GABRA4: variants seen among roughly 807,000 people sequenced by gnomAD.
GABRA4 encodes gamma-aminobutyric acid receptor subunit alpha-4.
Under a neutral mutation model 49.7 loss-of-function variants are expected in GABRA4, and 12 were observed. The observed-to-expected ratio is 0.24, with a 90% confidence interval of 0.15 to 0.39. GABRA4 has a LOEUF of 0.39. GABRA4 is among the 10% of genes least tolerant of loss of function. The pLI is 1.00. For missense variants in GABRA4, 506 were observed against 686.0 expected, an observed-to-expected ratio of 0.74 and a Z score of 2.93; for synonymous variants, 288 against 240.2, an observed-to-expected ratio of 1.20 and a Z score of -1.84.
At chr4:46,988,195 T>C (rs1723609954) in intron 2 of GABRA4, among the ~76,000 whole-genome samples, 1 of 149,288 alleles carries the variant, frequency 6.7e-6, no homozygotes, top group Admixed American at 6.6e-5. Context: ...CCCTCACCCA[T>C]TTTTTTTCCC....
chr4:46,954,927 C>T (rs562690804), intron 8 of GABRA4, among the ~76,000 whole-genome samples: 1 of 152,038 alleles, frequency 6.6e-6, no homozygotes, highest in Non-Finnish European at 1.5e-5. Flanking sequence ...TCAGTTTGCT[C>T]AACCATAAAA....
chr4:46,967,856 T>G (rs1722817317), intron 7 of GABRA4, among the ~76,000 whole-genome samples: 1 of 151,646 alleles, frequency 6.6e-6, no homozygotes, highest in Non-Finnish European at 1.5e-5. Context: ...AGAGTGAATT[T>G]TTGGCTGGCC....
At chr4:46,970,626 T>C (rs1722918236) in intron 7 of GABRA4, among the ~76,000 whole-genome samples, 1 of 151,580 alleles carries the variant, frequency 6.6e-6, no homozygotes, top group Admixed American at 6.6e-5. Context: ...TCCAATTCAA[T>C]GCATTTAAAC....
chr4:46,957,118 T>C (rs1722393177), intron 8 of GABRA4, among the ~76,000 whole-genome samples: 1 of 152,004 alleles, frequency 6.6e-6, no homozygotes, highest in African/African-American at 2.4e-5. Context: ...CTTTATGGAA[T>C]GACATAACTT....
In GABRA4 at chr4:46,956,828, G is replaced by T. The variant is rs998029887; in HGVS notation, c.1134+8142C>A. Among the ~76,000 whole-genome samples the T allele has an allele frequency of 5.3e-5, 8 of 152,054 alleles. 2 individuals are homozygous for T. The highest frequency in any genetic ancestry group is 1.3e-4 in the Admixed American group (2 of 15,260). ...TTCCTATTGTCAGATTCCTATAGTT[G>T]GTTCATAACCAACCAATAAACAACT... On this transcript the variant is annotated intron_variant, in intron 8 of 8. Coordinates refer to ENST00000264318, the MANE Select transcript of GABRA4 (RefSeq NM_000809.4).
At chr4:46,963,382 G>T (rs1286903459) in intron 8 of GABRA4, among the ~76,000 whole-genome samples, 2 of 151,854 alleles carry the variant, frequency 1.3e-5, no homozygotes, top group South Asian at 2.1e-4. Flanking sequence ...GGACCCAGGG[G>T]GAAGTAATTG....
Position 46,972,765 on chromosome 4 carries a change from CG to C in GABRA4, c.721+1466del, listed in dbSNP as rs1047561931. Among the ~76,000 whole-genome samples, 7 of 151,570 alleles carry C rather than the reference CG, an allele frequency of 4.6e-5. No homozygotes were observed. The Admixed American group carries it at 4.6e-4, about 10-fold the overall frequency. On this transcript the variant is annotated intron_variant, in intron 6 of 8. Transcript: ENST00000264318. ...CTAATACCTCGCTGTTTCCTCCTCC[CG>C]GAGGCCCCTGACTACCACCATTCCT...
chr4:46,938,769 G>C (rs1462945817), intron 8 of GABRA4, among the ~76,000 whole-genome samples: 1 of 151,952 alleles, frequency 6.6e-6, no homozygotes, highest in African/African-American at 2.4e-5. Context: ...GTGGGTACTA[G>C]AAGATCCACA....
chr4:46,977,679 A>G, intron 3 of GABRA4, 49 bp from the exon 4 acceptor site: 1 of 1,260,382 alleles, frequency 7.9e-7, no homozygotes, highest in South Asian at 1.4e-5. Flanking sequence ...GACTACACAT[A>G]AGTATGTGAA....
intron 3 of GABRA4, among the ~76,000 whole-genome samples, chr4:46,978,778 A>G (rs887632995): frequency 6.6e-6 from 1 of 151,668 alleles, no homozygotes; most frequent in African/African-American, 2.4e-5. Context: ...AGGTTGTGCT[A>G]TAGGAACCAG....
At chr4:46,980,692 C>T (rs971209077) in intron 2 of GABRA4, among the ~76,000 whole-genome samples, 1 of 151,950 alleles carries the variant, frequency 6.6e-6, no homozygotes, top group East Asian at 1.9e-4. Context: ...TTGGAGACAA[C>T]AACAGCAAAA....
intron 8 of GABRA4, among the ~76,000 whole-genome samples, chr4:46,930,746 A>C (rs902195274): frequency 6.6e-6 from 1 of 151,844 alleles, no homozygotes; most frequent in African/African-American, 2.4e-5. Context: ...AATTCTAAGG[A>C]CTGGAGACTT....
At chr4:46,955,833 C>T (rs944703125) in intron 8 of GABRA4, among the ~76,000 whole-genome samples, 3 of 152,072 alleles carry the variant, frequency 2.0e-5, no homozygotes, top group African/African-American at 7.2e-5. Flanking sequence ...TCAGACCATA[C>T]TTTTATATAG....
At chr4:46,975,040 C>T (rs1723090779) in intron 5 of GABRA4, among the ~76,000 whole-genome samples, 1 of 151,918 alleles carries the variant, frequency 6.6e-6, no homozygotes, top group African/African-American at 2.4e-5. Context: ...TTCAACAAAT[C>T]TCTCCCGGTG....
At chr4:46,977,253 A>G in intron 4 of GABRA4, 110 bp from the exon 5 acceptor site, 1 of 595,850 alleles carries the variant, frequency 1.7e-6, no homozygotes, top group Admixed American at 3.6e-5. Context: ...GAAGGGAGGG[A>G]AGAAAAGGAA....
chr4:46,976,740 T>C (rs1723152438), intron 5 of GABRA4, among the ~76,000 whole-genome samples: 1 of 151,670 alleles, frequency 6.6e-6, no homozygotes, highest in East Asian at 1.9e-4. Context: ...TATTTATCTA[T>C]ATAATTTGTA....
chr4:46,964,929 GA>G (rs1560475090), intron 8 of GABRA4, 40 bp downstream of exon 8: 1 of 1,498,532 alleles, frequency 6.7e-7, no homozygotes, highest in Admixed American at 2.3e-5. Context: ...ATTTGACCAA[GA>G]AGCTAAAATC....
chr4:46,962,048 C>T (rs1024075775), intron 8 of GABRA4, among the ~76,000 whole-genome samples: 5 of 151,894 alleles, frequency 3.3e-5, no homozygotes, highest in Non-Finnish European at 7.4e-5. Flanking sequence ...TGTCTTAGAT[C>T]TATCCCTTCA....
In GABRA4 at chr4:46,951,542, T is replaced by C. The variant is rs189066641; in HGVS notation, c.1134+13428A>G. ...GTAATTAAAGAGTTGACTTTCTGCT[T>C]TTTGAATACAGAGTCCTTGCCACTC... On this transcript the variant is annotated intron_variant, in intron 8 of 8. Transcript: ENST00000264318. Among the ~76,000 whole-genome samples the C allele has an allele frequency of 1.9e-3, 288 of 151,958 alleles. 2 individuals are homozygous for C. The highest frequency in any genetic ancestry group is 6.6e-3 in the African/African-American group (272 of 41,500).
Sources: gnomAD v4.1 joint callset for allele counts (sites outside exome capture counted in the v4.1 genomes callset) on GRCh38, gnomAD v4.1.1 for gene constraint, MANE v1.5 for transcripts, NCBI Gene and HGNC (gene_info 2026-07-23, HGNC 2026-07-21) for gene names.